Variants in SLC9A9 observed in about 807,000 individuals in gnomAD.
SLC9A9 encodes sodium/hydrogen exchanger 9.
SLC9A9 carries 62 observed loss-of-function variants against 77.8 expected under a neutral mutation model. The observed-to-expected ratio is 0.80, with a 90% CI of 0.65 to 0.98. SLC9A9 has a LOEUF of 0.98. Among genes scored for constraint, SLC9A9 ranks in the 50% least tolerant of loss-of-function variants. The pLI is 0.00. For missense variants in SLC9A9, 775 were observed against 774.9 expected, an observed-to-expected ratio of 1.00 and a Z score of 0.00; for synonymous variants, 320 against 283.5, an observed-to-expected ratio of 1.13 and a Z score of -1.29.
At chr3:143,675,687 A>C (rs2039224252) in intron 5 of SLC9A9, among the ~76,000 whole-genome samples, 1 of 152,204 alleles carries the variant, frequency 6.6e-6, no homozygotes, top group Non-Finnish European at 1.5e-5. Flanking sequence ...TTCTCATTAT[A>C]CTTCAGAGTG....
intron 8 of SLC9A9, among the ~76,000 whole-genome samples, chr3:143,554,739 C>T (rs1259054712): frequency 6.6e-6 from 1 of 152,182 alleles, no homozygotes. Flanking sequence ...TGACCACTCC[C>T]CACCGCCTTA....
At chr3:143,793,008 C>T (rs1469597936) in intron 4 of SLC9A9, among the ~76,000 whole-genome samples, 1 of 152,076 alleles carries the variant, frequency 6.6e-6, no homozygotes, top group Non-Finnish European at 1.5e-5. Flanking sequence ...ATTTTAATGA[C>T]CCAAATTAAG....
chr3:143,839,226 T>C (rs551951974), intron 1 of SLC9A9, among the ~76,000 whole-genome samples: 1 of 152,312 alleles, frequency 6.6e-6, no homozygotes, highest in East Asian at 1.9e-4. Context: ...TATTGCTCCA[T>C]ACTAGCTCAC....
chr3:143,544,021 C>A (rs1468015996), intron 9 of SLC9A9, among the ~76,000 whole-genome samples: 1 of 149,122 alleles, frequency 6.7e-6, no homozygotes, highest in Non-Finnish European at 1.5e-5. Flanking sequence ...TTCTCTTTTT[C>A]TCTACAGCCT....
intron 5 of SLC9A9, among the ~76,000 whole-genome samples, chr3:143,688,945 A>G (rs1051918980): frequency 7.4e-6 from 1 of 135,528 alleles, no homozygotes; most frequent in Non-Finnish European, 1.6e-5. Flanking sequence ...TAGAAAAAAT[A>G]TATATATAAT....
chr3:143,622,308 A>T (rs1032406997), intron 6 of SLC9A9, among the ~76,000 whole-genome samples: 3 of 152,198 alleles, frequency 2.0e-5, no homozygotes, highest in African/African-American at 7.2e-5. Flanking sequence ...CAAGACACAT[A>T]ATTGTCAGAT....
chr3:143,503,296 A>C, intron 9 of SLC9A9: 1 of 283,786 alleles, frequency 3.5e-6, no homozygotes, highest in Non-Finnish European at 6.9e-6. Flanking sequence ...TGTGGACCAT[A>C]AGGCCTCCCA....
At chr3:143,676,117 G>T (rs992911565) in intron 5 of SLC9A9, among the ~76,000 whole-genome samples, 1 of 152,114 alleles carries the variant, frequency 6.6e-6, no homozygotes, top group South Asian at 2.1e-4. Flanking sequence ...TCACAATAGG[G>T]TTCACACTTC....
At chr3:143,561,506 A>G (rs2037083727) in intron 8 of SLC9A9, among the ~76,000 whole-genome samples, 1 of 152,190 alleles carries the variant, frequency 6.6e-6, no homozygotes, top group Non-Finnish European at 1.5e-5. Flanking sequence ...CCACTAAAAT[A>G]AAGAGCTGCA....
intron 6 of SLC9A9, among the ~76,000 whole-genome samples, chr3:143,622,804 T>A (rs1349780150): frequency 1.4e-4 from 22 of 152,078 alleles, no homozygotes; most frequent in African/African-American, 5.1e-4. Flanking sequence ...TGCTCCAATT[T>A]AAAGACACAG....
chr3:143,739,990 G>T (rs1251954828), intron 4 of SLC9A9, among the ~76,000 whole-genome samples: 1 of 152,186 alleles, frequency 6.6e-6, no homozygotes, highest in Non-Finnish European at 1.5e-5. Flanking sequence ...TATCCAAGAT[G>T]CTATTTCTCA....
In SLC9A9 at chr3:143,791,021, A is replaced by T. The variant is rs903369113; in HGVS notation, c.533+3980T>A. 2.0e-5 allele frequency among the ~76,000 whole-genome samples: 3 copies of T among 152,212 alleles called. No individual in the cohort carries two copies. The East Asian group carries it at 5.8e-4, about 29-fold the overall frequency. ...TAGGTTGTCATTGTGATATATTGGC[A>T]TGGTGTATAGGGTGGAGACATAGAG... is the stretch of plus-strand genomic sequence containing the variant. On this transcript the variant is annotated intron_variant, in intron 4 of 15. Transcript: ENST00000316549.
At chr3:143,606,436 C>CTCTCTCTCTCTCTCTATATATATA (rs1419410834) in intron 6 of SLC9A9, among the ~76,000 whole-genome samples, 7 of 54,216 alleles carry the variant, frequency 1.3e-4, no homozygotes, top group African/African-American at 4.6e-4. Flanking sequence ...CTCTCTCTCT[C>CTCTCTCTCTCTCTCTATATATATA]TATATATATA....
At chr3:143,806,057 T>C (rs1483762469) in intron 2 of SLC9A9, among the ~76,000 whole-genome samples, 6 of 151,952 alleles carry the variant, frequency 3.9e-5, no homozygotes, top group Non-Finnish European at 7.4e-5. Flanking sequence ...CTTTATCCTT[T>C]ATTCTTTTCC....
intron 9 of SLC9A9, among the ~76,000 whole-genome samples, chr3:143,530,305 G>T (rs1230708752): frequency 6.6e-6 from 1 of 152,100 alleles, no homozygotes; most frequent in South Asian, 2.1e-4. Context: ...ATTGAATCAT[G>T]GGGGCTGTTT....
rs536045007 is a variant in SLC9A9 at position 143,641,428 on chromosome 3, G to A, written c.755+10827C>T. 2.6e-4 allele frequency among the ~76,000 whole-genome samples: 26 copies of A among 98,904 alleles called. No individual in the cohort carries two copies. The East Asian group carries it at 8.0e-3, about 30-fold the overall frequency. 64.9% of individuals were successfully genotyped at this position (98,904 alleles called of 152,430 possible). ...TTTTTTTGAGACAGAGTCTTGCTCTGTTGCCTAGGCAACAGAGTGCAGTGG... is the reference window on the plus strand; with the variant it reads ...TTTTTTTGAGACAGAGTCTTGCTCTATTGCCTAGGCAACAGAGTGCAGTGG... On this transcript the variant is annotated intron_variant, in intron 6 of 15. Coordinates refer to ENST00000316549, the MANE Select transcript of SLC9A9 (RefSeq NM_173653.4).
chr3:143,379,239 G>C (rs1056841289), intron 13 of SLC9A9, among the ~76,000 whole-genome samples: 11 of 152,146 alleles, frequency 7.2e-5, no homozygotes, highest in Non-Finnish European at 1.5e-4. Context: ...ATCCTCCTAA[G>C]AATTGGGGTT....
intron 6 of SLC9A9, among the ~76,000 whole-genome samples, chr3:143,648,702 A>T (rs1435516466): frequency 6.6e-6 from 1 of 152,198 alleles, no homozygotes; most frequent in Non-Finnish European, 1.5e-5. Flanking sequence ...AGCTGATTAT[A>T]TACCCTTGAA....
intron 6 of SLC9A9, among the ~76,000 whole-genome samples, chr3:143,613,995 C>T (rs1048576567): frequency 6.6e-6 from 1 of 152,186 alleles, no homozygotes; most frequent in African/African-American, 2.4e-5. Flanking sequence ...TCCTATCCAA[C>T]AACATAGTGT....
Sources: allele counts gnomAD v4.1 joint callset (sites outside exome capture counted in the v4.1 genomes callset), GRCh38; gene constraint gnomAD v4.1.1; transcripts MANE v1.5; gene names NCBI Gene and HGNC (gene_info 2026-07-23, HGNC 2026-07-21).